The following LMBRD1 variants were observed in gnomAD, a reference collection of about 807,000 sequenced individuals.
The protein encoded by LMBRD1 is lysosomal cobalamin transport escort protein LMBD1.
Under a neutral mutation model 74.8 loss-of-function variants are expected in LMBRD1, and 64 were observed. That is an observed-to-expected ratio of 0.86 (90% CI 0.70 to 1.05). The LOEUF (loss-of-function observed/expected upper bound fraction) is 1.05. LMBRD1 is among the 50% of genes least tolerant of loss of function. The probability of loss-of-function intolerance (pLI) is 0.00; values close to 1 mark genes in which losing one functional copy is unlikely to be tolerated. For synonymous variants in LMBRD1, 204 were observed against 216.3 expected (o/e 0.94, Z 0.50); for missense variants, 652 against 645.9 (o/e 1.01, Z -0.10).
At chr6:69,780,272 G>A (rs923519645) in intron 3 of LMBRD1, among the ~76,000 whole-genome samples, 1 of 151,870 alleles carries the variant, frequency 6.6e-6, no homozygotes, top group Non-Finnish European at 1.5e-5. Context: ...CTTGGTTTTG[G>A]AGCTCCCCTC....
intron 3 of LMBRD1, among the ~76,000 whole-genome samples, chr6:69,764,051 CA>C (rs35111300): frequency 0.57 from 86,259 of 151,926 alleles, 24,985 homozygotes; most frequent in East Asian, 0.73. Flanking sequence ...GATGCTGCAA[CA>C]AACTTAACAC....
At chr6:69,731,865 G>A (rs938430657) in intron 7 of LMBRD1, among the ~76,000 whole-genome samples, 1 of 152,028 alleles carries the variant, frequency 6.6e-6, no homozygotes, top group African/African-American at 2.4e-5. Flanking sequence ...TTCAAAAAGT[G>A]ATATAGAATT....
chr6:69,701,967 T>C lies in LMBRD1; in HGVS notation c.916-14A>G. On this transcript the variant is annotated splice_polypyrimidine_tract_variant and intron_variant, in intron 9 of 15. Coordinates refer to ENST00000649934, the MANE Select transcript of LMBRD1 (RefSeq NM_018368.4). Reference sequence around the variant, plus strand: ...TCCCCAGACGATCTAAAAGCAAAAATATATTCATTAAAATATAGTTCTAAA... The same window carrying C: ...TCCCCAGACGATCTAAAAGCAAAAACATATTCATTAAAATATAGTTCTAAA... 6.7e-7 allele frequency: 1 copy of C among 1,492,816 alleles called. No individual in the cohort carries two copies. The highest frequency in any genetic ancestry group is 1.7e-4 in the Middle Eastern group (1 of 5,756). The allele number at this position is 1,492,816 out of a possible 1,614,324, so 92.5% of individuals were successfully genotyped here.
At chr6:69,733,900 T>C (rs1048090367) in intron 7 of LMBRD1, among the ~76,000 whole-genome samples, 10 of 152,228 alleles carry the variant, frequency 6.6e-5, no homozygotes, top group African/African-American at 2.4e-4. Flanking sequence ...TATGAAACTG[T>C]GAATATTCAA....
chr6:69,772,767 G>C (rs1237153735), intron 3 of LMBRD1, among the ~76,000 whole-genome samples: 2 of 152,092 alleles, frequency 1.3e-5, no homozygotes. Flanking sequence ...GTCTGGAAAA[G>C]CACTGAAATA....
chr6:69,739,884 G>T (rs1337888428), intron 6 of LMBRD1, among the ~76,000 whole-genome samples: 3 of 152,166 alleles, frequency 2.0e-5, no homozygotes, highest in Admixed American at 1.3e-4. Context: ...AAGGTGGGCG[G>T]ATCACAAGGT....
chr6:69,690,180 AG>A (rs1765847735), intron 14 of LMBRD1, among the ~76,000 whole-genome samples: 2 of 151,788 alleles, frequency 1.3e-5, no homozygotes, highest in Non-Finnish European at 2.9e-5. Flanking sequence ...GATTTTTGCA[AG>A]TCTATTTATA....
chr6:69,688,289 A>G (rs1765807891), intron 14 of LMBRD1, among the ~76,000 whole-genome samples: 2 of 152,130 alleles, frequency 1.3e-5, no homozygotes, highest in Non-Finnish European at 2.9e-5. Context: ...CTAGTGTAGT[A>G]ATTCTTTTAA....
intron 1 of LMBRD1, among the ~76,000 whole-genome samples, chr6:69,793,583 T>A (rs1766138415): frequency 6.6e-6 from 1 of 152,136 alleles, no homozygotes; most frequent in African/African-American, 2.4e-5. Flanking sequence ...CAGTTTAGAT[T>A]TGATATAGTA....
At chr6:69,771,103 T>C (rs1582145267) in intron 3 of LMBRD1, among the ~76,000 whole-genome samples, 1 of 152,124 alleles carries the variant, frequency 6.6e-6, no homozygotes, top group African/African-American at 2.4e-5. Context: ...AACTTAGTGG[T>C]TTAAAAAAAC....
Position 69,718,952 on chromosome 6 carries a change from T to C in LMBRD1, c.762+4A>G. The C allele has an allele frequency of 6.2e-7, 1 of 1,613,216 alleles. No homozygotes were observed. ...TTCCCAATTACACCAAAACATCAAC[T>C]CACTTTTGATTTAATCGTTTGAATG... is the stretch of plus-strand genomic sequence containing the variant. On this transcript the variant is annotated splice_donor_region_variant and intron_variant, in intron 8 of 15. Transcript: ENST00000649934.
chr6:69,705,658 TATCATCATC>T (rs759919385), intron 9 of LMBRD1: 1 of 876,100 alleles, frequency 1.1e-6, no homozygotes, highest in East Asian at 2.4e-5. Flanking sequence ...TCTTCATCAT[TATCATCATC>T]ATCATCATCT....
chr6:69,792,907 C>T (rs1766118140), intron 1 of LMBRD1, among the ~76,000 whole-genome samples: 1 of 152,242 alleles, frequency 6.6e-6, no homozygotes, highest in African/African-American at 2.4e-5. Flanking sequence ...CCAGAGATTC[C>T]CAAACTTTTT....
At chr6:69,738,510 G>T (rs552527317) in intron 6 of LMBRD1, among the ~76,000 whole-genome samples, 2 of 151,898 alleles carry the variant, frequency 1.3e-5, no homozygotes, top group South Asian at 4.2e-4. Flanking sequence ...CTTAATTAAA[G>T]ATTTATTTCA....
At chr6:69,676,670 G>A (rs1052096702) in intron 14 of LMBRD1, 129 bp from the exon 15 acceptor site, 1 of 770,230 alleles carries the variant, frequency 1.3e-6, no homozygotes, top group Non-Finnish European at 2.2e-6. Context: ...GTCAGAGATG[G>A]TACTGAAACT....
intron 9 of LMBRD1, among the ~76,000 whole-genome samples, chr6:69,710,810 A>G (rs1014098705): frequency 6.6e-6 from 1 of 152,194 alleles, no homozygotes; most frequent in South Asian, 2.1e-4. Context: ...CAGACACTAC[A>G]TAAGAGTTGA....
intron 14 of LMBRD1, among the ~76,000 whole-genome samples, chr6:69,691,875 CAA>C (rs34100007): frequency 9.2e-5 from 6 of 65,112 alleles, no homozygotes; most frequent in African/African-American, 3.4e-4. Context: ...GACTCCGTCT[CAA>C]AAAAAAAAAA....
chr6:69,716,848 GTTAGATTAAA>G (rs1203970108), intron 8 of LMBRD1, among the ~76,000 whole-genome samples: 1 of 147,216 alleles, frequency 6.8e-6, no homozygotes, highest in African/African-American at 2.4e-5. Context: ...GAGGTAAACT[GTTAGATTAAA>G]CTTTAATTAT....
intron 9 of LMBRD1, among the ~76,000 whole-genome samples, chr6:69,704,919 T>TC (rs1766217872): frequency 1.3e-5 from 2 of 150,454 alleles, no homozygotes; most frequent in Non-Finnish European, 3.0e-5. Flanking sequence ...TTTTTTTTTT[T>TC]CCACTTTTAC....
Sources: allele counts gnomAD v4.1 joint callset (sites outside exome capture counted in the v4.1 genomes callset), GRCh38; gene constraint gnomAD v4.1.1; transcripts MANE v1.5; gene names NCBI Gene and HGNC (gene_info 2026-07-23, HGNC 2026-07-21).